The following GTF2IRD2B variants were observed in gnomAD, a reference collection of about 807,000 sequenced individuals.
The protein encoded by GTF2IRD2B is GTF2I repeat domain containing 2B.
In GTF2IRD2B, 10 loss-of-function variants were observed where a neutral mutation model predicts 55.6. The ratio of observed to expected loss-of-function variants is 0.18; its 90% CI spans 0.11 to 0.31. GTF2IRD2B has a LOEUF of 0.31. GTF2IRD2B is among the 10% of genes least tolerant of loss of function. GTF2IRD2B has a pLI of 1.00. For missense variants in GTF2IRD2B, 206 were observed against 802.7 expected, an observed-to-expected ratio of 0.26 and a Z score of 8.98; for synonymous variants, 107 against 320.5, an observed-to-expected ratio of 0.33 and a Z score of 7.12.
intron 3 of GTF2IRD2B, among the ~76,000 whole-genome samples, chr7:75,113,742 A>G (rs1441728919): frequency 6.7e-6 from 1 of 148,586 alleles, no homozygotes; most frequent in African/African-American, 2.5e-5. Flanking sequence ...TGTAACCATG[A>G]AAGGATAAAA....
intron 1 of GTF2IRD2B, among the ~76,000 whole-genome samples, chr7:75,106,083 G>A (rs1807794156): frequency 6.6e-6 from 1 of 152,306 alleles, no homozygotes; most frequent in Non-Finnish European, 1.5e-5. Flanking sequence ...ATAACCGCAT[G>A]TGACCTCCAC....
chr7:75,147,190 T>C (rs1432587844), intron 15 of GTF2IRD2B, among the ~76,000 whole-genome samples: 2 of 151,866 alleles, frequency 1.3e-5, no homozygotes, highest in African/African-American at 2.4e-5. Context: ...CCCAGCACTT[T>C]GGGAGGCTGA....
chr7:75,096,654 G>A (rs1807388829), intron 1 of GTF2IRD2B, among the ~76,000 whole-genome samples: 1 of 142,318 alleles, frequency 7.0e-6, no homozygotes, highest in South Asian at 2.3e-4. Context: ...TGGAACTCCT[G>A]ACCTCAGGTG....
intron 10 of GTF2IRD2B, among the ~76,000 whole-genome samples, chr7:75,136,386 C>T (rs1808838659): frequency 1.3e-5 from 2 of 149,754 alleles, no homozygotes; most frequent in South Asian, 2.1e-4. Context: ...CTGCAGCCTC[C>T]ACCTCCCGGG....
Position 75,123,894 on chromosome 7 carries a change from C to G in GTF2IRD2B, c.571+378C>G, listed in dbSNP as rs1305010247. On this transcript the variant is annotated intron_variant, in intron 6 of 15. Transcript: ENST00000472837. ...CTCCGTCTCAAAAAAAAAAACAAAACTTGAATTTGGGTGAGGGGAGGGAAC... is the reference window on the plus strand; with the variant it reads ...CTCCGTCTCAAAAAAAAAAACAAAAGTTGAATTTGGGTGAGGGGAGGGAAC... The G allele has an allele frequency of 2.9e-5, 10 of 340,286 alleles. No individual in the cohort carries two copies. In the East Asian group the frequency reaches 7.4e-4, roughly 25 times the overall value. 21.1% of individuals were successfully genotyped at this position (340,286 alleles called of 1,614,324 possible).
At chr7:75,114,288 G>T (rs1236850273) in intron 3 of GTF2IRD2B, among the ~76,000 whole-genome samples, 3 of 151,566 alleles carry the variant, frequency 2.0e-5, no homozygotes, top group African/African-American at 4.9e-5. Flanking sequence ...TCAGATGCCA[G>T]TTGAATTTCT....
chr7:75,132,760 C>T (rs1808707354), intron 8 of GTF2IRD2B, among the ~76,000 whole-genome samples: 1 of 147,822 alleles, frequency 6.8e-6, no homozygotes, highest in Non-Finnish European at 1.5e-5. Flanking sequence ...ACCATGTTAG[C>T]CAGGTTGGTC....
chr7:75,124,183 C>T (rs587701889), intron 6 of GTF2IRD2B, among the ~76,000 whole-genome samples: 96 of 151,872 alleles, frequency 6.3e-4, no homozygotes, highest in African/African-American at 2.2e-3. Context: ...GCCTAGTCAA[C>T]ATGGTGAAAC....
At chr7:75,106,653 G>A (rs1226591972) in intron 1 of GTF2IRD2B, among the ~76,000 whole-genome samples, 9,974 of 81,436 alleles carry the variant, frequency 0.12, 52 homozygotes, top group Middle Eastern at 0.24. Context: ...CTGTCATCCC[G>A]GCACTTAAGG....
At chr7:75,132,505 TC>T (rs1441374184) in intron 8 of GTF2IRD2B, among the ~76,000 whole-genome samples, 2 of 145,174 alleles carry the variant, frequency 1.4e-5, no homozygotes, top group Non-Finnish European at 3.0e-5. Context: ...AACTAAGCTC[TC>T]CCGCCTTCAC....
At chr7:75,123,863 G>A (rs1431681073) in intron 6 of GTF2IRD2B, 2 of 352,920 alleles carry the variant, frequency 5.7e-6, no homozygotes, top group Non-Finnish European at 1.1e-5. Flanking sequence ...GGGCGACTGA[G>A]CAAGACTCCG....
chr7:75,112,320 T>G, intron 2 of GTF2IRD2B, 77 bp from the exon 3 acceptor site: 1 of 348,638 alleles, frequency 2.9e-6, no homozygotes, highest in Non-Finnish European at 4.8e-6. Flanking sequence ...TTTTGTATTC[T>G]TAAATCAGGC....
intron 1 of GTF2IRD2B, among the ~76,000 whole-genome samples, chr7:75,103,882 A>T (rs1359067571): frequency 6.9e-6 from 1 of 144,258 alleles, no homozygotes; most frequent in Non-Finnish European, 1.5e-5. Context: ...AATACAAAAA[A>T]TTAGCTGGGC....
intron 9 of GTF2IRD2B, among the ~76,000 whole-genome samples, chr7:75,133,545 C>G (rs1432306519): frequency 7.2e-6 from 1 of 139,088 alleles, no homozygotes; most frequent in Non-Finnish European, 1.6e-5. Flanking sequence ...AATCCACATA[C>G]TCTTTTTTTT....
At chr7:75,121,681 A>C (rs1563095370) in intron 4 of GTF2IRD2B, among the ~76,000 whole-genome samples, 1 of 150,898 alleles carries the variant, frequency 6.6e-6, no homozygotes. Flanking sequence ...TTGGTCTCGA[A>C]CTCCTGACCT....
intron 3 of GTF2IRD2B, among the ~76,000 whole-genome samples, chr7:75,115,699 T>G (rs2428787): frequency 1.9e-3 from 284 of 147,832 alleles, no homozygotes; most frequent in East Asian, 6.6e-3. Flanking sequence ...TCCCAAAAGT[T>G]CTGGGATTAC....
intron 3 of GTF2IRD2B, among the ~76,000 whole-genome samples, chr7:75,114,701 C>G (rs1341781060): frequency 6.6e-5 from 10 of 151,716 alleles, no homozygotes; most frequent in Non-Finnish European, 1.3e-4. Context: ...AGTTTTCTGT[C>G]CCTGCATTAA....
At chr7:75,099,737 A>AAAATAAAT (rs781954915) in intron 1 of GTF2IRD2B, among the ~76,000 whole-genome samples, 18,630 of 126,048 alleles carry the variant, frequency 0.15, 455 homozygotes, top group East Asian at 0.21. Flanking sequence ...ACTCCGTCTC[A>AAAATAAAT]AAATAAATAA....
chr7:75,113,981 A>T (rs1410422301), intron 3 of GTF2IRD2B, among the ~76,000 whole-genome samples: 1 of 149,622 alleles, frequency 6.7e-6, no homozygotes, highest in Non-Finnish European at 1.5e-5. Flanking sequence ...TAGATGATAG[A>T]TAAGAGAGAG....
Sources: allele counts gnomAD v4.1 joint callset (sites outside exome capture counted in the v4.1 genomes callset), GRCh38; gene constraint gnomAD v4.1.1; transcripts MANE v1.5; gene names NCBI Gene and HGNC (gene_info 2026-07-23, HGNC 2026-07-21).